Variants in COL4A6 observed in about 807,000 individuals in gnomAD.
The protein encoded by COL4A6 is collagen alpha-6(IV) chain.
COL4A6 carries 59 observed loss-of-function variants against 126.7 expected under a neutral mutation model. The ratio of observed to expected loss-of-function variants is 0.47; its 90% CI spans 0.38 to 0.58. COL4A6 has a LOEUF of 0.58. Ranked by LOEUF, COL4A6 falls within the 20% of genes least tolerant of loss-of-function variation. COL4A6 has a pLI of 0.00. For missense variants in COL4A6, 1,285 were observed against 1,337.3 expected (o/e 0.96, Z 0.61); for synonymous variants, 547 against 496.6 (o/e 1.10, Z -1.35).
chrX:108,160,847 C>G (rs1343590179), intron 42 of COL4A6, among the ~76,000 whole-genome samples, 193 bp from the exon 43 acceptor site: 3 of 112,277 alleles, frequency 2.7e-5, no homozygotes, highest in Non-Finnish European at 5.6e-5. Context: ...TGTCCTACAG[C>G]TAGTAAGTGG....
At chrX:108,378,084 T>A (rs939863588) in intron 2 of COL4A6, among the ~76,000 whole-genome samples, 4 of 107,773 alleles carry the variant, frequency 3.7e-5, no homozygotes, top group Admixed American at 2.0e-4. Flanking sequence ...AAAAAAAAAA[T>A]GTTTTCATGT....
At chrX:108,209,446 G>C (rs917540735) in intron 8 of COL4A6, among the ~76,000 whole-genome samples, 3 of 111,594 alleles carry the variant, frequency 2.7e-5, no homozygotes, top group Non-Finnish European at 1.9e-5. Flanking sequence ...GGGAAAGAAA[G>C]AAGAGGAAAG....
At chrX:108,341,971 A>C (rs2039577872) in intron 2 of COL4A6, among the ~76,000 whole-genome samples, 1 of 112,378 alleles carries the variant, frequency 8.9e-6, no homozygotes, top group Non-Finnish European at 1.9e-5. Flanking sequence ...TTATTATCAT[A>C]TCTAAGGAAA....
intron 3 of COL4A6, among the ~76,000 whole-genome samples, chrX:108,269,961 A>T (rs1218306516): frequency 3.6e-5 from 4 of 111,603 alleles, no homozygotes; most frequent in African/African-American, 1.3e-4. Context: ...AGCAGGCCAC[A>T]AGGAGTCATC....
Position 108,235,066 on chromosome X carries a change from C to T in COL4A6, c.145-13692G>A, listed in dbSNP as rs150513270. 7.2e-4 allele frequency among the ~76,000 whole-genome samples: 80 copies of T among 111,598 alleles called. No individual in the cohort carries two copies. The East Asian group carries it at 0.021, about 29-fold the overall frequency. Reference sequence around the variant, plus strand: ...ATGTTTTTATGTGTGGAGGAAACTTCCTCAAACAATAGTTGGCAGCTTAGG... The same window carrying T: ...ATGTTTTTATGTGTGGAGGAAACTTTCTCAAACAATAGTTGGCAGCTTAGG... On this transcript the variant is annotated intron_variant, in intron 3 of 44. Transcript: ENST00000334504.
intron 14 of COL4A6, among the ~76,000 whole-genome samples, 196 bp from the exon 15 acceptor site, chrX:108,195,322 A>T (rs2035179235): frequency 9.4e-6 from 1 of 106,876 alleles, no homozygotes; most frequent in South Asian, 4.2e-4. Flanking sequence ...CCCAGGCTGG[A>T]GTGCAGTGGT....
chrX:108,241,070 T>G (rs2036558960), intron 3 of COL4A6, among the ~76,000 whole-genome samples: 1 of 110,808 alleles, frequency 9.0e-6, no homozygotes, highest in Admixed American at 9.7e-5. Flanking sequence ...TATGTTAACT[T>G]TACGCTTATG....
chrX:108,372,227 T>C (rs1330224336), intron 2 of COL4A6, among the ~76,000 whole-genome samples: 1 of 111,316 alleles, frequency 9.0e-6, no homozygotes, highest in Non-Finnish European at 1.9e-5. Flanking sequence ...TTAATCTCAG[T>C]AACTACAATA....
chrX:108,381,532 T>C (rs1234906565), intron 2 of COL4A6, among the ~76,000 whole-genome samples: 2 of 112,334 alleles, frequency 1.8e-5, no homozygotes, highest in Non-Finnish European at 3.8e-5. Context: ...GGCTGTACTA[T>C]TTATTAGCTA....
chrX:108,234,409 G>A (rs2036386454), intron 3 of COL4A6, among the ~76,000 whole-genome samples: 1 of 112,061 alleles, frequency 8.9e-6, no homozygotes, highest in South Asian at 3.8e-4. Context: ...TCTTCTTGCT[G>A]CCCAGTGGCA....
chrX:108,217,838 G>T (rs1602840249), intron 5 of COL4A6, among the ~76,000 whole-genome samples: 1 of 111,899 alleles, frequency 8.9e-6, no homozygotes, highest in East Asian at 2.8e-4. Flanking sequence ...ACAATTTTTG[G>T]TCAAGGAAAG....
intron 3 of COL4A6, among the ~76,000 whole-genome samples, chrX:108,281,842 C>G (rs1205792044): frequency 1.8e-5 from 2 of 110,780 alleles, no homozygotes; most frequent in African/African-American, 6.6e-5. Flanking sequence ...AATAACGCCG[C>G]ATGTCTACAA....
Position 108,277,195 on chromosome X carries a change from A to C in COL4A6, c.144+33553T>G, listed in dbSNP as rs144422237. 7.6e-3 allele frequency among the ~76,000 whole-genome samples: 854 copies of C among 111,779 alleles called. 9 individuals are homozygous for C. Among genetic ancestry groups the C allele is most frequent in the African/African-American group, 0.026 (793 of 30,725 alleles). ...CCGAAGCAGGGCGAGGCATTGCCTCACTCGGGAAGCGTAAGGGGTCAGGGA... is the reference window on the plus strand; with the variant it reads ...CCGAAGCAGGGCGAGGCATTGCCTCCCTCGGGAAGCGTAAGGGGTCAGGGA... On this transcript the variant is annotated intron_variant, in intron 3 of 44. Transcript: ENST00000334504.
intron 3 of COL4A6, among the ~76,000 whole-genome samples, chrX:108,281,089 C>G (rs2037805215): frequency 1.0e-5 from 1 of 98,183 alleles, no homozygotes; most frequent in Non-Finnish European, 2.1e-5. Flanking sequence ...TGGCACAAGA[C>G]AGGGATGCCC....
chrX:108,428,091 T>G (rs113265377), intron 2 of COL4A6, among the ~76,000 whole-genome samples: 9,141 of 111,424 alleles, frequency 0.082, 396 homozygotes, highest in Non-Finnish European at 0.12. Context: ...TCTTTTGGCT[T>G]TCCTGGGCCA....
intron 2 of COL4A6, among the ~76,000 whole-genome samples, chrX:108,368,459 G>A (rs113494589): frequency 1.2e-3 from 132 of 110,700 alleles, no homozygotes; most frequent in African/African-American, 4.0e-3. Context: ...AGGGCCTAGG[G>A]TATTACAGTA....
chrX:108,248,332 T>C (rs1261446132), intron 3 of COL4A6, among the ~76,000 whole-genome samples: 1 of 111,484 alleles, frequency 9.0e-6, no homozygotes, highest in Non-Finnish European at 1.9e-5. Context: ...TAAATATTCC[T>C]TTGCACTTCA....
intron 3 of COL4A6, among the ~76,000 whole-genome samples, chrX:108,249,858 C>T (rs889139849): frequency 8.9e-6 from 1 of 111,969 alleles, no homozygotes; most frequent in Admixed American, 9.4e-5. Flanking sequence ...ACATCCACTT[C>T]CTCCCTTTCA....
chrX:108,194,043 G>T (rs745555434), intron 16 of COL4A6, among the ~76,000 whole-genome samples: 2 of 112,455 alleles, frequency 1.8e-5, no homozygotes, highest in Non-Finnish European at 3.8e-5. Flanking sequence ...CTCTCAACAG[G>T]CCTGGGCCTC....
Sources: gnomAD v4.1 joint callset for allele counts (sites outside exome capture counted in the v4.1 genomes callset) on GRCh38, gnomAD v4.1.1 for gene constraint, MANE v1.5 for transcripts, NCBI Gene and HGNC (gene_info 2026-07-23, HGNC 2026-07-21) for gene names.